FBXW8: variants seen among roughly 807,000 people sequenced by gnomAD.
FBXW8 encodes F-box and WD repeat domain containing 8, also known as F-box/WD repeat-containing protein 8.
FBXW8 carries 57 observed loss-of-function variants against 65.3 expected under a neutral mutation model. The observed-to-expected ratio is 0.87, with a 90% CI of 0.71 to 1.09. FBXW8 has a LOEUF of 1.09. Among genes scored for constraint, FBXW8 ranks in the 50% least tolerant of loss-of-function variants. The pLI, the probability that FBXW8 is intolerant of heterozygous loss-of-function variation, is 0.00. For synonymous variants in FBXW8, 308 were observed against 330.2 expected (o/e 0.93, Z 0.73); for missense variants, 777 against 814.8 (o/e 0.95, Z 0.57).
At chr12:116,925,969 G>A (rs1449427954) in intron 1 of FBXW8, among the ~76,000 whole-genome samples, 1 of 152,160 alleles carries the variant, frequency 6.6e-6, no homozygotes, top group East Asian at 1.9e-4. Flanking sequence ...TGGTGGTTGG[G>A]ATCAAGGATA....
chr12:116,949,906 G>A, intron 4 of FBXW8, 200 bp downstream of exon 4: 1 of 566,530 alleles, frequency 1.8e-6, no homozygotes, highest in Non-Finnish European at 3.2e-6. Flanking sequence ...GAAGCACATG[G>A]TGTAGAGCGG....
intron 7 of FBXW8, among the ~76,000 whole-genome samples, chr12:117,005,759 T>A (rs1953659506): frequency 6.6e-6 from 1 of 152,230 alleles, no homozygotes; most frequent in African/African-American, 2.4e-5. Flanking sequence ...GCAGGCGGTT[T>A]AACTGCCTCA....
chr12:116,974,392 A>G (rs1884802127), intron 5 of FBXW8, among the ~76,000 whole-genome samples: 1 of 152,226 alleles, frequency 6.6e-6, no homozygotes, highest in Non-Finnish European at 1.5e-5. Flanking sequence ...CTCGTAATAC[A>G]TGGATTGTTG....
chr12:117,012,196 G>C (rs556303877), intron 8 of FBXW8, among the ~76,000 whole-genome samples: 31,951 of 152,094 alleles, frequency 0.21, 4,205 homozygotes, highest in African/African-American at 0.38. Context: ...CTGCCAGGGA[G>C]GTGTTCCATG....
At chr12:116,919,053 T>A (rs1211978195) in intron 1 of FBXW8, among the ~76,000 whole-genome samples, 3 of 152,084 alleles carry the variant, frequency 2.0e-5, no homozygotes, top group Non-Finnish European at 4.4e-5. Flanking sequence ...ATAGAACAAT[T>A]ACAACAGTAT....
At chr12:116,979,043 G>A (rs1353431809) in intron 5 of FBXW8, 8 of 152,112 alleles carry the variant, frequency 5.3e-5, no homozygotes, top group Non-Finnish European at 1.2e-4. Flanking sequence ...ATTTAAATAT[G>A]CATCCCTAAT....
rs944311990 is a variant in FBXW8 at position 116,961,498 on chromosome 12, G to C, written c.678-3199G>C. Among the ~76,000 whole-genome samples, 1 of 152,182 alleles carries C rather than the reference G, an allele frequency of 6.6e-6. No homozygotes were observed. The highest frequency in any genetic ancestry group is 1.5e-5 in the Non-Finnish European group (1 of 68,032). ...GTAGAAAATGAGGCTGGGGAGAGGGGTGGAAGTTAGTTTGTGGTGGGTTTT... is the reference window on the plus strand; with the variant it reads ...GTAGAAAATGAGGCTGGGGAGAGGGCTGGAAGTTAGTTTGTGGTGGGTTTT... On this transcript the variant is annotated intron_variant, in intron 4 of 10. Coordinates refer to ENST00000652555, the MANE Select transcript of FBXW8 (RefSeq NM_153348.3). This position sits in a 1 kb window ranked among gnomAD's most constrained non-coding sequence, Gnocchi z 4.4.
chr12:116,912,609 C>T (rs1880075308), intron 1 of FBXW8, among the ~76,000 whole-genome samples: 1 of 152,042 alleles, frequency 6.6e-6, no homozygotes, highest in African/African-American at 2.4e-5. Flanking sequence ...AACAGGCGCC[C>T]ACCACCACGC....
In FBXW8 at chr12:117,027,571, C is replaced by G. The variant is rs544399920; in HGVS notation, c.1652+67C>G. The G allele has an allele frequency of 1.3e-4, 151 of 1,198,982 alleles. 1 individual carries two copies. The African/African-American group carries it at 1.3e-3, about 10-fold the overall frequency. The allele number at this position is 1,198,982 out of a possible 1,614,324, so 74.3% of individuals were successfully genotyped here. A position where few individuals can be genotyped will look rare whatever the true frequency, so the allele number is the denominator to read the frequency against. On this transcript the variant is annotated intron_variant, in intron 10 of 10. Transcript: ENST00000652555. Reference sequence around the variant, plus strand: ...GACTGATGTATAGAACCCCACCCCCCCCGCCGTGACACATTGCACCCTATG... The same window carrying G: ...GACTGATGTATAGAACCCCACCCCCGCCGCCGTGACACATTGCACCCTATG...
intron 2 of FBXW8, among the ~76,000 whole-genome samples, chr12:116,932,866 T>C (rs2137318646): frequency 6.6e-6 from 1 of 152,366 alleles, no homozygotes; most frequent in Admixed American, 6.5e-5. Context: ...TTTTGCTTAA[T>C]CGTTTTTCTA....
At chr12:116,986,673 C>T (rs1342071798) in intron 6 of FBXW8, 1 of 152,104 alleles carries the variant, frequency 6.6e-6, no homozygotes, top group Non-Finnish European at 1.5e-5. Context: ...ATACTGTAGA[C>T]CAGCAATCAC....
intron 6 of FBXW8, chr12:116,986,642 A>C (rs1171451179): frequency 3.3e-5 from 5 of 151,426 alleles, no homozygotes; most frequent in Non-Finnish European, 7.3e-5. Flanking sequence ...AAAAAAAGAC[A>C]AAAAAACAAC....
chr12:116,924,631 C>G (rs1221089407), intron 1 of FBXW8, among the ~76,000 whole-genome samples: 2 of 152,060 alleles, frequency 1.3e-5, no homozygotes, highest in Non-Finnish European at 2.9e-5. Context: ...TGTTTTTAAC[C>G]TACATTTATG....
intron 9 of FBXW8, among the ~76,000 whole-genome samples, chr12:117,027,173 C>G (rs1174597756): frequency 6.6e-6 from 1 of 152,210 alleles, no homozygotes; most frequent in Non-Finnish European, 1.5e-5. Context: ...ACGGGGCATG[C>G]AGACCTGTTT....
At chr12:116,947,903 C>A (rs1470797115) in intron 3 of FBXW8, among the ~76,000 whole-genome samples, 1 of 152,132 alleles carries the variant, frequency 6.6e-6, no homozygotes, top group Non-Finnish European at 1.5e-5. Flanking sequence ...TCTGCCACTC[C>A]TGCAGAGCCT....
At chr12:117,022,249 T>C (rs1206942989) in intron 8 of FBXW8, among the ~76,000 whole-genome samples, 5 of 152,176 alleles carry the variant, frequency 3.3e-5, no homozygotes, top group Admixed American at 3.3e-4. Context: ...TAATTCTTAT[T>C]TTCCCAGAAA....
chr12:117,002,139 C>G (rs1953538597), intron 7 of FBXW8, among the ~76,000 whole-genome samples: 1 of 152,368 alleles, frequency 6.6e-6, no homozygotes, highest in South Asian at 2.1e-4. Flanking sequence ...ACAAAGCCCC[C>G]ATGTTTGGCA....
chr12:117,014,793 G>C (rs1046478299), intron 8 of FBXW8, among the ~76,000 whole-genome samples: 4 of 152,166 alleles, frequency 2.6e-5, no homozygotes, highest in Non-Finnish European at 5.9e-5. Flanking sequence ...GTCCTGCTTT[G>C]AATCTGTCCC....
chr12:116,969,524 C>G (rs1446675385), intron 5 of FBXW8, among the ~76,000 whole-genome samples: 5 of 152,210 alleles, frequency 3.3e-5, no homozygotes, highest in African/African-American at 1.2e-4. Flanking sequence ...CCAGGAGCAG[C>G]TAACTGGCAC....
Sources: gnomAD v4.1 joint callset for allele counts (sites outside exome capture counted in the v4.1 genomes callset) on GRCh38, gnomAD v4.1.1 for gene constraint, Gnocchi (gnomAD v3.1) non-coding constraint, MANE v1.5 for transcripts, NCBI Gene and HGNC (gene_info 2026-07-23, HGNC 2026-07-21) for gene names.